ALOX12B: variants seen among roughly 807,000 people sequenced by gnomAD.
The protein encoded by ALOX12B is arachidonate 12-lipoxygenase, 12R type, also known as arachidonate 12-lipoxygenase, 12R-type.
ALOX12B carries 47 observed loss-of-function variants against 78.9 expected under a neutral mutation model. The ratio of observed to expected loss-of-function variants is 0.60; its 90% confidence interval spans 0.47 to 0.76. ALOX12B has a LOEUF of 0.76. Among genes scored for constraint, ALOX12B ranks in the 30% least tolerant of loss-of-function variants. The probability of loss-of-function intolerance (pLI) is 0.00; values close to 1 mark genes in which losing one functional copy is unlikely to be tolerated. For synonymous variants in ALOX12B, 370 were observed against 374.5 expected (o/e 0.99, Z 0.14); for missense variants, 805 against 922.6 (o/e 0.87, Z 1.65).
At chr17:8,077,913 G>T (rs115670409) in intron 8 of ALOX12B, among the ~76,000 whole-genome samples, 1,763 of 152,216 alleles carry the variant, frequency 0.012, 25 homozygotes, top group African/African-American at 0.04. Flanking sequence ...CTGGCCCTCC[G>T]TATCCATGGG....
chr17:8,087,570 G>A lies in ALOX12B; in HGVS notation c.-128C>T. ...GGACAGGGCTGGCCTCCGAGGTGCA[G>A]TGGTGAGGTGGCGAGGTGGGGTGAC... On this transcript the variant is annotated 5_prime_UTR_variant, in exon 1 of 15. Coordinates refer to ENST00000647874, the MANE Select transcript of ALOX12B (RefSeq NM_001139.3). 4 of 1,485,282 alleles carry A rather than the reference G, an allele frequency of 2.7e-6. No homozygotes were observed. In the South Asian group the frequency reaches 4.6e-5, roughly 17 times the overall value. The allele number at this position is 1,485,282 out of a possible 1,614,324, so 92.0% of individuals were successfully genotyped here.
chr17:8,081,359 A>T (rs765890157), intron 2 of ALOX12B, 172 bp from the exon 3 acceptor site: 3 of 702,174 alleles, frequency 4.3e-6, no homozygotes, highest in Non-Finnish European at 7.8e-6. Context: ...AATATCAGAT[A>T]AAAGAATCAC....
rs1352045876 is a variant in ALOX12B, at chr17:8,080,386, G to C, written c.651-48C>G. On this transcript the variant is annotated intron_variant, in intron 5 of 14. Coordinates refer to ENST00000647874, the MANE Select transcript of ALOX12B (RefSeq NM_001139.3). This position sits in a 1 kb window ranked among gnomAD's most constrained non-coding sequence, Gnocchi z 4.8. ...GAGGCCTTCAGAGGGGCTGCCAAGC[G>C]CCGGCTGGGGCAGGTGGCGGGGCCG... The C allele has an allele frequency of 2.5e-6, 4 of 1,600,646 alleles. No individual in the cohort carries two copies. The highest frequency in any genetic ancestry group is 1.7e-4 in the Middle Eastern group (1 of 6,046).
intron 2 of ALOX12B, among the ~76,000 whole-genome samples, chr17:8,083,105 T>C (rs778946714): frequency 6.6e-6 from 1 of 152,130 alleles, no homozygotes; most frequent in Non-Finnish European, 1.5e-5. Flanking sequence ...CTGGGAAGTG[T>C]TAGTATATTT....
chr17:8,079,288 G>C lies in ALOX12B; in HGVS notation c.1071+108C>G. The C allele has an allele frequency of 6.8e-7, 1 of 1,463,824 alleles. No homozygotes were observed. Among genetic ancestry groups the C allele is most frequent in the Non-Finnish European group, 9.2e-7 (1 of 1,089,668 alleles). The allele number at this position is 1,463,824 out of a possible 1,614,324, so 90.7% of individuals were successfully genotyped here. On this transcript the variant is annotated intron_variant, in intron 8 of 14. Transcript: ENST00000647874. The surrounding 1 kb of genome is among the most constrained non-coding windows in gnomAD (Gnocchi z 6.4). ...AACCAATCTCTCAAGGATAACGAGAGACGGCTGAATACATGCAGGTCCACA... is the reference window on the plus strand; with the variant it reads ...AACCAATCTCTCAAGGATAACGAGACACGGCTGAATACATGCAGGTCCACA...
In ALOX12B at chr17:8,076,743, G is replaced by GCTGTGGGGAGAGCA; in HGVS notation, c.1276-14_1276-1dup (p.Leu426CysfsTer46). 1 of 1,550,270 alleles carries GCTGTGGGGAGAGCA rather than the reference G, an allele frequency of 6.5e-7. No homozygotes were observed. Among genetic ancestry groups the GCTGTGGGGAGAGCA allele is most frequent in the Non-Finnish European group, 8.7e-7 (1 of 1,147,012 alleles). On this transcript the variant is annotated frameshift_variant and splice_region_variant. Coordinates refer to ENST00000647874, the MANE Select transcript of ALOX12B (RefSeq NM_001139.3). LOFTEE classifies it high-confidence loss of function. ...GTGTATCGGGTATGGGGGATGAGGA[G>GCTGTGGGGAGAGCA]CTGTGGGGAGAGCAAGGAGGATGAA...
intron 2 of ALOX12B, among the ~76,000 whole-genome samples, chr17:8,082,701 C>T (rs912362296): frequency 6.6e-6 from 1 of 152,108 alleles, no homozygotes; most frequent in African/African-American, 2.4e-5. Context: ...AGTGTGGAGA[C>T]CAGAACTCTG....
chr17:8,076,909 C>T, intron 9 of ALOX12B, 81 bp downstream of exon 9: 2 of 1,501,274 alleles, frequency 1.3e-6, no homozygotes, highest in Non-Finnish European at 1.8e-6. Flanking sequence ...GTCTCTCTGA[C>T]TGCTCAGTGG....
chr17:8,072,676 G>A lies in ALOX12B; in HGVS notation c.*95C>T. 2 of 1,515,184 alleles carry A rather than the reference G, an allele frequency of 1.3e-6. No homozygotes were observed. The highest frequency in any genetic ancestry group is 2.3e-5 in the South Asian group (2 of 88,358). 93.9% of individuals were successfully genotyped at this position (1,515,184 alleles called of 1,614,324 possible). A position where few individuals can be genotyped will look rare whatever the true frequency, so the allele number is the denominator to read the frequency against. On this transcript the variant is annotated 3_prime_UTR_variant, in exon 15 of 15. Transcript: ENST00000647874. ...TGTTTTTTTGTTTGTTTGGTGTTTTGGTCTCTGAGGTTTTTGTGTTTTTTG... is the reference window on the plus strand; with the variant it reads ...TGTTTTTTTGTTTGTTTGGTGTTTTAGTCTCTGAGGTTTTTGTGTTTTTTG...
At chr17:8,076,817 TA>T (rs1799439255) in intron 9 of ALOX12B, 74 bp from the exon 10 acceptor site, 2 of 1,486,128 alleles carry the variant, frequency 1.3e-6, no homozygotes, top group Non-Finnish European at 1.8e-6. Flanking sequence ...CCCATTTCTG[TA>T]ACGTCAGATC....
chr17:8,083,719 ACT>A (rs1476642157), intron 2 of ALOX12B, among the ~76,000 whole-genome samples: 4 of 149,228 alleles, frequency 2.7e-5, no homozygotes, highest in Non-Finnish European at 5.9e-5. Flanking sequence ...ACGAAGCGAG[ACT>A]CTGTCTCAAA....
At position 8,080,267 on chromosome 17, in the gene ALOX12B, T is replaced by G; in HGVS notation, c.722A>C (p.Lys241Thr). The change falls in exon 6 of 15, where the codon AAA becomes ACA. Residue 241 changes from lysine (K) to threonine (T), a missense_variant. Transcript: ENST00000647874. This position sits in a 1 kb window ranked among gnomAD's most constrained non-coding sequence, Gnocchi z 4.8. ...HSWKRLKDIRKIFPGKKSVVS... is the reference protein window; with the variant it reads ...HSWKRLKDIRTIFPGKKSVVS... ...GACAGATTTCTTGCCAGGGAAAATT[T>G]TCCTAATGTCCTTCAGCCTCTTCCA... 6.2e-7 allele frequency: 1 copy of G among 1,614,220 alleles called. No homozygotes were observed. The highest frequency in any genetic ancestry group is 8.5e-7 in the Non-Finnish European group (1 of 1,180,028).
Position 8,080,527 on chromosome 17 carries a change from G to T in ALOX12B, c.650+131C>A. 6.8e-7 allele frequency: 1 copy of T among 1,479,514 alleles called. No individual in the cohort carries two copies. The highest frequency in any genetic ancestry group is 9.3e-7 in the Non-Finnish European group (1 of 1,071,894). The allele number at this position is 1,479,514 out of a possible 1,614,324, so 91.6% of individuals were successfully genotyped here. On this transcript the variant is annotated intron_variant, in intron 5 of 14. Coordinates refer to ENST00000647874, the MANE Select transcript of ALOX12B (RefSeq NM_001139.3). The surrounding 1 kb of genome is among the most constrained non-coding windows in gnomAD (Gnocchi z 4.8). ...TGGGATCATGTCTCAGGTTTTCTGG[G>T]TCTGCGTTTCAGCTCCCTCTGCCTT...
rs781429156 is a variant in ALOX12B at position 8,080,137 on chromosome 17, T to C, written c.754+98A>G. ...GCCAGAGGGCGCGCGCGCGCCTCGC[T>C]GCCTCTCCCGTCCCACTGCCCCGAA... On this transcript the variant is annotated intron_variant, in intron 6 of 14. Coordinates refer to ENST00000647874, the MANE Select transcript of ALOX12B (RefSeq NM_001139.3). This position sits in a 1 kb window ranked among gnomAD's most constrained non-coding sequence, Gnocchi z 4.8. 5 of 1,492,676 alleles carry C rather than the reference T, an allele frequency of 3.3e-6. No individual in the cohort carries two copies. The highest frequency in any genetic ancestry group is 4.5e-5 in the East Asian group (2 of 44,248). 92.5% of individuals were successfully genotyped at this position (1,492,676 alleles called of 1,614,324 possible). A position where few individuals can be genotyped will look rare whatever the true frequency, so the allele number is the denominator to read the frequency against.
In ALOX12B at chr17:8,079,502, T is replaced by C; in HGVS notation, c.965A>G (p.Glu322Gly). 6.4e-7 allele frequency: 1 copy of C among 1,550,904 alleles called. No homozygotes were observed. The highest frequency in any genetic ancestry group is 8.7e-7 in the Non-Finnish European group (1 of 1,146,968). ...GCTGAGCTCCACGGTGGGGATGCCC[T>C]CCATGATGCGGTAGTCGGCCAGGTA... ...NIYLADYRIMEGIPTVELSGR... is the reference protein window; with the variant it reads ...NIYLADYRIMGGIPTVELSGR... The change falls in exon 8 of 15, where the codon GAG (glutamate) becomes GGG (glycine). Residue 322 changes from glutamate to glycine, a missense_variant. Glu to Gly is a moderately conservative substitution (Grantham distance 98). Transcript: ENST00000647874. The surrounding 1 kb of genome is among the most constrained non-coding windows in gnomAD (Gnocchi z 6.4).
At chr17:8,075,807 C>T (rs999719933) in intron 11 of ALOX12B, 91 bp from the exon 12 acceptor site, 1 of 1,605,042 alleles carries the variant, frequency 6.2e-7, no homozygotes, top group African/African-American at 1.3e-5. Flanking sequence ...GCCCTGACCT[C>T]AGTTGGCCCC....
chr17:8,077,079 T>A lies in ALOX12B; in HGVS notation c.1186A>T (p.Ile396Phe). The A allele has an allele frequency of 6.2e-7, 1 of 1,614,088 alleles. No homozygotes were observed. The highest frequency in any genetic ancestry group is 8.5e-7 in the Non-Finnish European group (1 of 1,180,022). ...RYAEFYSHEAIAHLLETHLIA... is the reference protein window; with the variant it reads ...RYAEFYSHEAFAHLLETHLIA... ...AGGTGTGTCTCCAGCAGGTGGGCGATGGCCTCGTGGCTGTAGAACTCCGCA... is the reference window on the plus strand; with the variant it reads ...AGGTGTGTCTCCAGCAGGTGGGCGAAGGCCTCGTGGCTGTAGAACTCCGCA... The change falls in exon 9 of 15, where the codon ATC (isoleucine) becomes TTC (phenylalanine). Residue 396 changes from isoleucine (I) to phenylalanine (F), a missense_variant. Ile to Phe is a conservative substitution (Grantham distance 21). Transcript: ENST00000647874.
At chr17:8,074,030 T>C (rs1361350005) in intron 12 of ALOX12B, among the ~76,000 whole-genome samples, 10 of 152,136 alleles carry the variant, frequency 6.6e-5, no homozygotes, top group African/African-American at 2.4e-4. Flanking sequence ...TCTCTTCCAG[T>C]TTCCCTGGGG....
At position 8,076,243 on chromosome 17, in the gene ALOX12B, A is replaced by C. The variant is rs1233212575; in HGVS notation, c.1464T>G (p.Arg488=). 6.2e-7 allele frequency: 1 copy of C among 1,613,914 alleles called. No individual in the cohort carries two copies. The highest frequency in any genetic ancestry group is 1.3e-5 in the African/African-American group (1 of 74,860). Residue 488 remains arginine, a synonymous_variant, in exon 11 of 15, where the codon CGT becomes CGG. Coordinates refer to ENST00000647874, the MANE Select transcript of ALOX12B (RefSeq NM_001139.3). ...AATATCCAGGCAGGTCCTGGACCCC[A>C]CGCTCCACAAAGTCATTGGGGAGGT... ...SLYLPNDFVE[R]GVQDLPGYYY...
Sources: allele counts gnomAD v4.1 joint callset (sites outside exome capture counted in the v4.1 genomes callset), GRCh38; gene constraint gnomAD v4.1.1; non-coding constraint Gnocchi (gnomAD v3.1); transcripts MANE v1.5; gene names NCBI Gene and HGNC (gene_info 2026-07-23, HGNC 2026-07-21).